DENND4C: variants seen among roughly 807,000 people sequenced by gnomAD.
DENND4C encodes DENN domain containing 4C.
In DENND4C, 108 loss-of-function variants were observed where a neutral mutation model predicts 203.0. That is an observed-to-expected ratio of 0.53 (90% CI 0.46 to 0.62). The LOEUF is 0.62. DENND4C is among the 20% of genes least tolerant of loss of function. DENND4C has a pLI of 0.00. For synonymous variants in DENND4C, 871 were observed against 792.4 expected (o/e 1.10, Z -1.67); for missense variants, 2,481 against 2,301.2 (o/e 1.08, Z -1.60).
At chr9:19,347,155 G>A (rs1373802971) in intron 23 of DENND4C, 69 bp downstream of exon 23, 3 of 1,419,780 alleles carry the variant, frequency 2.1e-6, no homozygotes, top group African/African-American at 1.4e-5. Flanking sequence ...AGAAATATAT[G>A]TATTCTTGTT....
At chr9:19,248,866 C>G (rs1358662989) in intron 1 of DENND4C, among the ~76,000 whole-genome samples, 1 of 150,950 alleles carries the variant, frequency 6.6e-6, no homozygotes, top group East Asian at 2.0e-4. Flanking sequence ...GGCACGATCT[C>G]AGCTCACTGC....
chr9:19,252,405 C>T lies in DENND4C; in HGVS notation c.-18+21572C>T, dbSNP rs115660198. Among the ~76,000 whole-genome samples the T allele has an allele frequency of 3.3e-5, 5 of 151,928 alleles. No individual in the cohort carries two copies. In the East Asian group the frequency reaches 5.8e-4, roughly 18 times the overall value. On this transcript the variant is annotated intron_variant, in intron 1 of 32. Transcript: ENST00000434457. Reference sequence around the variant, plus strand: ...GATTTGGGTGGGAACACAGCCAAACCGTATCATCTACATTAAAAAAAAGAT... The same window carrying T: ...GATTTGGGTGGGAACACAGCCAAACTGTATCATCTACATTAAAAAAAAGAT...
chr9:19,350,370 C>G (rs745568069), intron 23 of DENND4C, among the ~76,000 whole-genome samples: 3 of 152,198 alleles, frequency 2.0e-5, no homozygotes, highest in Non-Finnish European at 2.9e-5. Flanking sequence ...AAAACCCCTA[C>G]TCTACTTGTA....
At chr9:19,273,627 A>C (rs1212874379) in intron 1 of DENND4C, among the ~76,000 whole-genome samples, 4 of 152,084 alleles carry the variant, frequency 2.6e-5, no homozygotes, top group African/African-American at 7.3e-5. Context: ...AGATTTGAAC[A>C]GAAATTTCCC....
At chr9:19,271,361 C>T (rs1427293763) in intron 1 of DENND4C, among the ~76,000 whole-genome samples, 3 of 151,862 alleles carry the variant, frequency 2.0e-5, no homozygotes, top group African/African-American at 4.8e-5. Context: ...CACCATGCCC[C>T]ACTAATGTTT....
chr9:19,318,112 A>T (rs753254466), intron 12 of DENND4C, among the ~76,000 whole-genome samples: 2 of 152,232 alleles, frequency 1.3e-5, no homozygotes, highest in Non-Finnish European at 2.9e-5. Flanking sequence ...TGAGGTTACG[A>T]GTTCGAGACC....
chr9:19,328,629 ATG>A (rs1312532783), intron 16 of DENND4C, among the ~76,000 whole-genome samples: 3 of 124,252 alleles, frequency 2.4e-5, no homozygotes, highest in African/African-American at 9.3e-5. Context: ...AAGTCTATAT[ATG>A]TGTCTGTCTG....
intron 1 of DENND4C, among the ~76,000 whole-genome samples, chr9:19,273,454 A>C (rs900358946): frequency 6.6e-6 from 1 of 152,026 alleles, no homozygotes; most frequent in African/African-American, 2.4e-5. Context: ...GAGTTCATCA[A>C]AAACCTCTGT....
At chr9:19,257,617 T>C (rs796827992) in intron 1 of DENND4C, among the ~76,000 whole-genome samples, 14 of 152,200 alleles carry the variant, frequency 9.2e-5, no homozygotes, top group African/African-American at 3.4e-4. Flanking sequence ...AAACCAAATG[T>C]GATTTTTAAA....
At chr9:19,315,816 C>T (rs574824721) in intron 10 of DENND4C, among the ~76,000 whole-genome samples, 1 of 151,966 alleles carries the variant, frequency 6.6e-6, no homozygotes, top group Admixed American at 6.6e-5. Context: ...AGTGATTCTT[C>T]TGCCTCAGCC....
intron 1 of DENND4C, among the ~76,000 whole-genome samples, chr9:19,267,745 C>T (rs573603252): frequency 1.3e-5 from 2 of 151,898 alleles, no homozygotes; most frequent in Non-Finnish European, 2.9e-5. Context: ...CACCATCTTG[C>T]CCAGGCTAGT....
chr9:19,252,580 T>C (rs1187961258), intron 1 of DENND4C, among the ~76,000 whole-genome samples: 3 of 152,190 alleles, frequency 2.0e-5, no homozygotes, highest in Middle Eastern at 3.2e-3. Context: ...AGATCCTGTC[T>C]CTTAAAATAA....
chr9:19,296,508 C>T (rs1456174182), intron 6 of DENND4C, among the ~76,000 whole-genome samples: 6 of 151,812 alleles, frequency 4.0e-5, no homozygotes, highest in African/African-American at 1.5e-4. Context: ...GGATTACAGG[C>T]ACCTGCCACC....
intron 9 of DENND4C, among the ~76,000 whole-genome samples, chr9:19,304,189 ATT>A (rs34462752): frequency 1.4e-5 from 2 of 142,408 alleles, no homozygotes; most frequent in Admixed American, 1.4e-4. Context: ...TTTTATATTG[ATT>A]TTTTTTTTTT....
At chr9:19,236,629 C>T (rs974274504) in intron 1 of DENND4C, among the ~76,000 whole-genome samples, 3 of 152,176 alleles carry the variant, frequency 2.0e-5, no homozygotes, top group Non-Finnish European at 4.4e-5. Context: ...ACCGCAGGTT[C>T]ATCATCCAGA....
rs80318263 is a variant in DENND4C at position 19,299,250 on chromosome 9, A to T, written c.1129A>T (p.Ile377Leu). The T allele has an allele frequency of 3.8e-3, 6,060 of 1,586,704 alleles. 214 individuals carry two copies. In the African/African-American group the frequency reaches 0.075, roughly 20 times the overall value. ...TAAGCTGTCAGTCCATGATGCATTAATATTATCACAGCCAGTTTCTACACC... is the reference window on the plus strand; with the variant it reads ...TAAGCTGTCAGTCCATGATGCATTATTATTATCACAGCCAGTTTCTACACC... ...LVQLSVHDAL[I>L]LSQPVSTPLP... Residue 377 changes from isoleucine to leucine, a missense_variant, in exon 8 of 33, where the codon ATA becomes TTA. By Grantham distance (5) the Ile-to-Leu change is conservative. Around this residue, in one of 3 missense-constraint regions of DENND4C, gnomAD observed 2,289 missense variants for 2,113.3 expected, o/e 1.08. Transcript: ENST00000434457.
chr9:19,233,563 T>TC (rs990768611), intron 1 of DENND4C, among the ~76,000 whole-genome samples: 1 of 139,918 alleles, frequency 7.1e-6, no homozygotes, highest in Non-Finnish European at 1.6e-5. Flanking sequence ...TTTGAAACCT[T>TC]TTTTTTTTTT....
chr9:19,251,716 C>A lies in DENND4C; in HGVS notation c.-18+20883C>A, dbSNP rs1004293223. On this transcript the variant is annotated intron_variant, in intron 1 of 32. Coordinates refer to ENST00000434457, the MANE Select transcript of DENND4C (RefSeq NM_001330640.2). ...AATCATCTCTCTCAAGTTCAAAGTT[C>A]CACAAATCTCTAGGACAGGAGCAAA... Among the ~76,000 whole-genome samples the A allele has an allele frequency of 2.1e-4, 32 of 152,310 alleles. 1 individual carries two copies. Among genetic ancestry groups the A allele is most frequent in the African/African-American group, 6.7e-4 (28 of 41,558 alleles).
intron 5 of DENND4C, chr9:19,292,711 A>T (rs892380201): frequency 6.6e-6 from 1 of 151,766 alleles, no homozygotes; most frequent in Non-Finnish European, 1.5e-5. Context: ...ACGCCCGGCT[A>T]ATTTTTGTAT....
Sources: allele counts gnomAD v4.1 joint callset (sites outside exome capture counted in the v4.1 genomes callset), GRCh38; gene constraint gnomAD v4.1.1; regional missense constraint gnomAD v4.1.1; transcripts MANE v1.5; gene names NCBI Gene and HGNC (gene_info 2026-07-23, HGNC 2026-07-21).